CSTF3: variants seen among roughly 807,000 people sequenced by gnomAD.
The protein encoded by CSTF3 is CF-1 77 kDa subunit.
A neutral mutation model predicts 105.8 loss-of-function variants in CSTF3; 29 were observed. The observed-to-expected ratio is 0.27, with a 90% CI of 0.20 to 0.37. The LOEUF (loss-of-function observed/expected upper bound fraction) is 0.37, where lower values mean the gene tolerates loss of function less well. Ranked by LOEUF, CSTF3 falls within the 10% of genes least tolerant of loss-of-function variation. CSTF3 has a pLI of 1.00. For missense variants in CSTF3, 357 were observed against 879.3 expected (o/e 0.41, Z 7.51); for synonymous variants, 252 against 281.9 (o/e 0.89, Z 1.06).
intron 19 of CSTF3, 41 bp from the exon 20 acceptor site, chr11:33,085,814 C>T (rs760546736): frequency 1.3e-6 from 2 of 1,598,286 alleles, no homozygotes. Context: ...AGTAATCTGA[C>T]AAGTTAAAGT....
At chr11:33,101,421 G>C (rs927179) in intron 10 of CSTF3, among the ~76,000 whole-genome samples, 84,592 of 152,026 alleles carry the variant, frequency 0.56, 26,149 homozygotes, top group Non-Finnish European at 0.69. Flanking sequence ...ATTTGAGTCC[G>C]ATCCAATTAG....
At chr11:33,115,744 AATTGT>A (rs1297140022) in intron 3 of CSTF3, among the ~76,000 whole-genome samples, 1 of 152,152 alleles carries the variant, frequency 6.6e-6, no homozygotes. Flanking sequence ...TCCTATGATA[AATTGT>A]ATTGTTTCTG....
intron 1 of CSTF3, chr11:33,156,655 T>C (rs1266617851): frequency 4.4e-6 from 2 of 450,994 alleles, no homozygotes; most frequent in Admixed American, 2.4e-5. Context: ...GCCTTCCAAA[T>C]TCTAGGATAA....
chr11:33,124,788 G>C (rs151186374), intron 3 of CSTF3, among the ~76,000 whole-genome samples: 60 of 152,240 alleles, frequency 3.9e-4, no homozygotes, highest in African/African-American at 1.4e-3. Context: ...ACATGACTCT[G>C]GGTACAGAAC....
In CSTF3 at chr11:33,085,875, A is replaced by T. The variant is rs753189022; in HGVS notation, c.1890+20T>A. 3 of 1,583,296 alleles carry T rather than the reference A, an allele frequency of 1.9e-6. No individual in the cohort carries two copies. The highest frequency in any genetic ancestry group is 1.8e-5 in the Admixed American group (1 of 55,466). ...ATGACCCACAGAGCCAGTATCTACCATGAAAATAAGTGAACAAACCTGGAA... is the reference window on the plus strand; with the variant it reads ...ATGACCCACAGAGCCAGTATCTACCTTGAAAATAAGTGAACAAACCTGGAA... On this transcript the variant is annotated intron_variant, in intron 19 of 20. Transcript: ENST00000323959.
In CSTF3 at chr11:33,084,904, G is replaced by A. The variant is rs925129022; in HGVS notation, c.*183C>T. 3 of 689,902 alleles carry A rather than the reference G, an allele frequency of 4.3e-6. No homozygotes were observed. In the African/African-American group the frequency reaches 5.4e-5, roughly 12 times the overall value. 42.7% of individuals were successfully genotyped at this position (689,902 alleles called of 1,614,324 possible). A position where few individuals can be genotyped will look rare whatever the true frequency, so the allele number is the denominator to read the frequency against. Reference sequence around the variant, plus strand: ...CTAATTTTGCTTAGAGCATAGGTCTGTTCCGTATTCTAAAATTCACACAGG... The same window carrying A: ...CTAATTTTGCTTAGAGCATAGGTCTATTCCGTATTCTAAAATTCACACAGG... On this transcript the variant is annotated 3_prime_UTR_variant, in exon 21 of 21. Coordinates refer to ENST00000323959, the MANE Select transcript of CSTF3 (RefSeq NM_001326.3).
chr11:33,142,100 AT>A (rs1268386545), intron 1 of CSTF3, 114 bp from the exon 2 acceptor site: 1 of 1,489,580 alleles, frequency 6.7e-7, no homozygotes, highest in Non-Finnish European at 9.0e-7. Flanking sequence ...AAGCATAAAA[AT>A]ATCCTCTTAT....
chr11:33,098,927 CTCTG>C (rs1855252093), intron 12 of CSTF3, 103 bp downstream of exon 12: 8 of 1,451,910 alleles, frequency 5.5e-6, no homozygotes, highest in Non-Finnish European at 7.3e-6. Context: ...TTGGCATCAT[CTCTG>C]TCTACCAAAA....
Position 33,161,200 on chromosome 11 carries a change from T to C in CSTF3, c.27+99A>G, listed in dbSNP as rs925272877. ...TATATACCCTGTCCCCCGGGTTCAC[T>C]AGACCCAATTCCTTCCTCAGCCGAA... On this transcript the variant is annotated intron_variant, in intron 1 of 20. Transcript: ENST00000323959. 5 of 1,351,836 alleles carry C rather than the reference T, an allele frequency of 3.7e-6. No homozygotes were observed. The African/African-American group carries it at 4.3e-5, about 12-fold the overall frequency. The allele number at this position is 1,351,836 out of a possible 1,614,324, so 83.7% of individuals were successfully genotyped here. A position where few individuals can be genotyped will look rare whatever the true frequency, so the allele number is the denominator to read the frequency against.
intron 3 of CSTF3, 73 bp downstream of exon 3, chr11:33,141,594 T>C: frequency 6.6e-7 from 1 of 1,510,038 alleles, no homozygotes; most frequent in Non-Finnish European, 8.8e-7. Flanking sequence ...TTGGCTATGT[T>C]CCTAACTTGT....
At chr11:33,087,794 TAGAG>T (rs1453176657) in intron 17 of CSTF3, among the ~76,000 whole-genome samples, 1 of 152,178 alleles carries the variant, frequency 6.6e-6, no homozygotes, top group African/African-American at 2.4e-5. Context: ...TAATAAGAAG[TAGAG>T]AGAGGAGGAT....
intron 3 of CSTF3, among the ~76,000 whole-genome samples, chr11:33,112,235 CAA>C (rs1203407566): frequency 2.7e-5 from 4 of 149,834 alleles, no homozygotes; most frequent in Non-Finnish European, 3.0e-5. Flanking sequence ...GCCTGGGTGA[CAA>C]GAGCGAAACT....
At chr11:33,086,035 C>G (rs909476702) in intron 18 of CSTF3, 46 bp from the exon 19 acceptor site, 1 of 1,186,512 alleles carries the variant, frequency 8.4e-7, no homozygotes, top group Non-Finnish European at 1.1e-6. Flanking sequence ...GGAAGAATTT[C>G]TACACAGAGC....
At chr11:33,100,354 C>CAA (rs71034652) in intron 10 of CSTF3, among the ~76,000 whole-genome samples, 1,592 of 126,964 alleles carry the variant, frequency 0.013, 16 homozygotes, top group East Asian at 0.026. Context: ...GACTCCATCT[C>CAA]AAAAAAAAAA....
At chr11:33,117,759 A>T (rs1855447021) in intron 3 of CSTF3, among the ~76,000 whole-genome samples, 1 of 151,956 alleles carries the variant, frequency 6.6e-6, no homozygotes. Flanking sequence ...TGCTTTGTCT[A>T]AGTAATTGTT....
Position 33,099,828 on chromosome 11 carries a change from G to T in CSTF3, c.827-111C>A. 1 of 608,952 alleles carries T rather than the reference G, an allele frequency of 1.6e-6. No individual in the cohort carries two copies. Among genetic ancestry groups the T allele is most frequent in the South Asian group, 2.6e-5 (1 of 38,888 alleles). 37.7% of individuals were successfully genotyped at this position (608,952 alleles called of 1,614,324 possible). Reference sequence around the variant, plus strand: ...GCTCCTCAAAAATTAATGATAATTAGAAATAAAAAGCTTTAGTGATTTCTG... The same window carrying T: ...GCTCCTCAAAAATTAATGATAATTATAAATAAAAAGCTTTAGTGATTTCTG... On this transcript the variant is annotated intron_variant, in intron 10 of 20. Coordinates refer to ENST00000323959, the MANE Select transcript of CSTF3 (RefSeq NM_001326.3). This position sits in a 1 kb window ranked among gnomAD's most constrained non-coding sequence, Gnocchi z 4.1.
At chr11:33,139,006 A>G (rs764974526) in intron 3 of CSTF3, among the ~76,000 whole-genome samples, 19 of 151,936 alleles carry the variant, frequency 1.3e-4, no homozygotes, top group Non-Finnish European at 1.9e-4. Flanking sequence ...CAAATTTTAC[A>G]TAGCTAAATA....
chr11:33,102,063 T>A (rs1197514138), intron 10 of CSTF3, 114 bp downstream of exon 10: 1 of 707,494 alleles, frequency 1.4e-6, no homozygotes, highest in East Asian at 2.7e-5. Context: ...AATTATTGAA[T>A]CTGAAGAACA....
chr11:33,114,641 C>T (rs1265137071), intron 3 of CSTF3, among the ~76,000 whole-genome samples: 3 of 151,818 alleles, frequency 2.0e-5, no homozygotes, highest in Non-Finnish European at 4.4e-5. Context: ...ACCTGAGGTC[C>T]GGAGTTCGAG....
Sources: gnomAD v4.1 joint callset for allele counts (sites outside exome capture counted in the v4.1 genomes callset) on GRCh38, gnomAD v4.1.1 for gene constraint, Gnocchi (gnomAD v3.1) non-coding constraint, MANE v1.5 for transcripts, NCBI Gene and HGNC (gene_info 2026-07-23, HGNC 2026-07-21) for gene names.